FHOD3: variants seen among roughly 807,000 people sequenced by gnomAD.
FHOD3 encodes FH1/FH2 domain-containing protein 3.
FHOD3 carries 90 observed loss-of-function variants against 173.0 expected under a neutral mutation model. That is an observed-to-expected ratio of 0.52 (90% CI 0.44 to 0.62). The LOEUF is 0.62. FHOD3 is among the 20% of genes least tolerant of loss of function. The pLI is 0.00. For synonymous variants in FHOD3, 828 were observed against 823.0 expected, an observed-to-expected ratio of 1.01 and a Z score of -0.10; for missense variants, 1,945 against 2,034.7, an observed-to-expected ratio of 0.96 and a Z score of 0.85.
At chr18:36,552,891 T>C (rs2057719513) in intron 5 of FHOD3, among the ~76,000 whole-genome samples, 1 of 152,188 alleles carries the variant, frequency 6.6e-6, no homozygotes, top group African/African-American at 2.4e-5. Context: ...ATCCCTGTCT[T>C]GTGCCAGTTT....
intron 23 of FHOD3, among the ~76,000 whole-genome samples, chr18:36,744,546 G>T (rs952786694): frequency 6.6e-6 from 1 of 152,218 alleles, no homozygotes; most frequent in Non-Finnish European, 1.5e-5. Context: ...ATGTCAAAAA[G>T]ATGCAATTTG....
At chr18:36,364,476 C>T (rs1345820844) in intron 2 of FHOD3, among the ~76,000 whole-genome samples, 3 of 152,176 alleles carry the variant, frequency 2.0e-5, no homozygotes, top group South Asian at 2.1e-4. Flanking sequence ...GAATAGTGGG[C>T]TGTATCCAGC....
At chr18:36,411,950 A>G (rs1480667543) in intron 3 of FHOD3, among the ~76,000 whole-genome samples, 2 of 152,116 alleles carry the variant, frequency 1.3e-5, no homozygotes, top group African/African-American at 4.8e-5. Flanking sequence ...CTCACCTACA[A>G]CCAGATGCTC....
chr18:36,379,438 A>G (rs984687158), intron 3 of FHOD3, among the ~76,000 whole-genome samples: 1 of 152,050 alleles, frequency 6.6e-6, no homozygotes, highest in African/African-American at 2.4e-5. Context: ...ATCTCTAGGG[A>G]TCTCGAGGTG....
At chr18:36,618,729 C>G (rs1210717088) in intron 9 of FHOD3, among the ~76,000 whole-genome samples, 1 of 152,168 alleles carries the variant, frequency 6.6e-6, no homozygotes, top group Admixed American at 6.5e-5. Context: ...CTCCTCCCCA[C>G]CCCATCCCTG....
In FHOD3 at chr18:36,389,991, T is replaced by C. The variant is rs73949461; in HGVS notation, c.337+17247T>C. ...GCAAGGCCGGTTCTGTCATGAGCTG[T>C]CTCAGTGGTAAGGCTTTATCCATCT... On this transcript the variant is annotated intron_variant, in intron 3 of 28. Coordinates refer to ENST00000590592, the MANE Select transcript of FHOD3 (RefSeq NM_001281740.3). 3.2e-3 allele frequency among the ~76,000 whole-genome samples: 492 copies of C among 152,302 alleles called. 3 individuals carry two copies. The highest frequency in any genetic ancestry group is 0.011 in the African/African-American group (463 of 41,570).
At chr18:36,546,111 T>C (rs1296162864) in intron 5 of FHOD3, among the ~76,000 whole-genome samples, 1 of 152,216 alleles carries the variant, frequency 6.6e-6, no homozygotes, top group African/African-American at 2.4e-5. Flanking sequence ...GAACCCCTTT[T>C]TCATAGGTGT....
chr18:36,715,995 G>T (rs2040427352), intron 18 of FHOD3, among the ~76,000 whole-genome samples: 1 of 152,244 alleles, frequency 6.6e-6, no homozygotes, highest in Non-Finnish European at 1.5e-5. Context: ...TGTGTCTGGG[G>T]GTCAGGGAGT....
At chr18:36,482,836 C>T (rs1444449957) in intron 3 of FHOD3, among the ~76,000 whole-genome samples, 1 of 79,044 alleles carries the variant, frequency 1.3e-5, no homozygotes, top group African/African-American at 5.5e-5. Flanking sequence ...CACACACACA[C>T]ACACACACAC....
At chr18:36,583,330 T>G (rs922100585) in intron 6 of FHOD3, among the ~76,000 whole-genome samples, 1 of 152,176 alleles carries the variant, frequency 6.6e-6, no homozygotes, top group African/African-American at 2.4e-5. Flanking sequence ...GGTGGGTTGC[T>G]TTTTCATCTA....
intron 5 of FHOD3, among the ~76,000 whole-genome samples, chr18:36,565,332 G>A (rs1050038131): frequency 6.6e-6 from 1 of 152,176 alleles, no homozygotes; most frequent in African/African-American, 2.4e-5. Context: ...AAGATAAGGG[G>A]TGAGTGATAC....
chr18:36,600,264 C>CACACAT (rs1441180847), intron 7 of FHOD3, among the ~76,000 whole-genome samples: 1 of 149,510 alleles, frequency 6.7e-6, no homozygotes, highest in Non-Finnish European at 1.5e-5. Flanking sequence ...CACACACACA[C>CACACAT]ACACACACAC....
At chr18:36,590,770 A>T (rs538070073) in intron 6 of FHOD3, among the ~76,000 whole-genome samples, 1 of 152,348 alleles carries the variant, frequency 6.6e-6, no homozygotes, top group South Asian at 2.1e-4. Context: ...AGGAATAGGC[A>T]TGTTGAGACC....
intron 5 of FHOD3, among the ~76,000 whole-genome samples, chr18:36,567,392 C>T (rs146211724): frequency 1.6e-4 from 25 of 152,310 alleles, no homozygotes; most frequent in African/African-American, 6.0e-4. Flanking sequence ...CCAGGAGTTG[C>T]TCCATCCAGG....
chr18:36,325,270 T>C (rs992803547), intron 1 of FHOD3, among the ~76,000 whole-genome samples: 3 of 151,132 alleles, frequency 2.0e-5, no homozygotes, highest in Admixed American at 6.6e-5. Context: ...ATGTGCTCAC[T>C]ATGAGATTCA....
At chr18:36,553,987 G>GT (rs1339077462) in intron 5 of FHOD3, among the ~76,000 whole-genome samples, 1 of 152,150 alleles carries the variant, frequency 6.6e-6, no homozygotes, top group Non-Finnish European at 1.5e-5. Context: ...TCAGGAAACA[G>GT]TAGGTGCTGG....
chr18:36,594,411 T>A (rs991207286), intron 6 of FHOD3, among the ~76,000 whole-genome samples: 11 of 152,112 alleles, frequency 7.2e-5, no homozygotes, highest in African/African-American at 2.7e-4. Flanking sequence ...GAATGGTGCT[T>A]ATGTCTACCT....
intron 7 of FHOD3, among the ~76,000 whole-genome samples, chr18:36,595,913 CTG>C (rs2030276769): frequency 6.6e-6 from 1 of 152,166 alleles, no homozygotes; most frequent in Admixed American, 6.5e-5. Flanking sequence ...ATGATTATAA[CTG>C]TAATACTACT....
intron 3 of FHOD3, among the ~76,000 whole-genome samples, chr18:36,408,321 GTCTC>G (rs1158671200): frequency 2.0e-5 from 3 of 152,246 alleles, no homozygotes; most frequent in African/African-American, 7.2e-5. Flanking sequence ...GTGAGACACA[GTCTC>G]AGTTAGTGGG....
Sources: gnomAD v4.1 joint callset for allele counts (sites outside exome capture counted in the v4.1 genomes callset) on GRCh38, gnomAD v4.1.1 for gene constraint, MANE v1.5 for transcripts, NCBI Gene and HGNC (gene_info 2026-07-23, HGNC 2026-07-21) for gene names.